Variants in SLC25A27 observed in about 807,000 individuals in gnomAD.
SLC25A27 encodes the protein solute carrier family 25 member 27.
SLC25A27 carries 35 observed loss-of-function variants against 49.1 expected under a neutral mutation model. The observed-to-expected ratio is 0.71, with a 90% CI of 0.54 to 0.95. The LOEUF is 0.95. Among genes scored for constraint, SLC25A27 ranks in the 40% least tolerant of loss-of-function variants. SLC25A27 has a pLI of 0.00. For synonymous variants in SLC25A27, 144 were observed against 136.9 expected (o/e 1.05, Z -0.36); for missense variants, 339 against 397.1 (o/e 0.85, Z 1.24).
Position 46,652,985 on chromosome 6 carries a change from A to G in SLC25A27, c.-208A>G, listed in dbSNP as rs1404045226. ...CTCCTGGGCTCCGCTGTGTTTTTCT[A>G]TTCTGGGGTGTAAGGGGCAGCTGGA... On this transcript the variant is annotated 5_prime_UTR_variant, in exon 1 of 9. Transcript: ENST00000371347. The G allele has an allele frequency of 2.0e-5, 12 of 588,736 alleles. No individual in the cohort carries two copies. Among genetic ancestry groups the G allele is most frequent in the Non-Finnish European group, 3.3e-5 (11 of 332,098 alleles). The allele number at this position is 588,736 out of a possible 1,614,324, so 36.5% of individuals were successfully genotyped here.
At chr6:46,656,091 T>C in intron 2 of SLC25A27, 57 bp downstream of exon 2, 1 of 1,434,680 alleles carries the variant, frequency 7.0e-7, no homozygotes, top group East Asian at 2.4e-5. Flanking sequence ...TTGTCTCCTG[T>C]GCTTTTCTGT....
intron 8 of SLC25A27, among the ~76,000 whole-genome samples, chr6:46,674,077 GA>G (rs757017149): frequency 2.0e-5 from 3 of 152,094 alleles, no homozygotes; most frequent in Non-Finnish European, 4.4e-5. Flanking sequence ...GACCATTGCA[GA>G]AACACAAACT....
chr6:46,675,787 C>G (rs2150663797), intron 8 of SLC25A27, among the ~76,000 whole-genome samples: 2 of 152,128 alleles, frequency 1.3e-5, no homozygotes, highest in South Asian at 4.1e-4. Flanking sequence ...GTAGCCATAC[C>G]TTCATTCAAG....
Position 46,662,374 on chromosome 6 carries a change from A to G in SLC25A27, c.384-2A>G. The stretch of plus-strand genomic sequence containing the variant: ...TTAAAAAGAATTTCCTTCTGCAATT[A>G]GGAAATCAGTCATTGGAGGGATGAT... On this transcript the variant is annotated splice_acceptor_variant, in intron 3 of 8. Transcript: ENST00000371347. LOFTEE classifies it high-confidence loss of function. 1 of 1,612,704 alleles carries G rather than the reference A, an allele frequency of 6.2e-7. No individual in the cohort carries two copies.
At chr6:46,671,255 T>A in intron 8 of SLC25A27, 27 bp downstream of exon 8, 1 of 1,329,274 alleles carries the variant, frequency 7.5e-7, no homozygotes, top group East Asian at 2.6e-5. Context: ...TTCCTTTGTT[T>A]TTTTTCTTTG....
At chr6:46,666,032 T>TTCCACTG (rs1358298758) in intron 5 of SLC25A27, among the ~76,000 whole-genome samples, 120 of 152,342 alleles carry the variant, frequency 7.9e-4, no homozygotes, top group African/African-American at 2.7e-3. Context: ...AGTGGTGCAG[T>TTCCACTG]AATGAGCTGA....
At chr6:46,668,254 C>G (rs1763387489) in intron 5 of SLC25A27, among the ~76,000 whole-genome samples, 1 of 152,170 alleles carries the variant, frequency 6.6e-6, no homozygotes, top group African/African-American at 2.4e-5. Context: ...ACAAGAATCA[C>G]TTGAGCCCAG....
At position 46,676,538 on chromosome 6, in the gene SLC25A27, C is replaced by G; in HGVS notation, c.*84C>G. The G allele has an allele frequency of 3.1e-6, 5 of 1,608,660 alleles. No homozygotes were observed. The highest frequency in any genetic ancestry group is 2.7e-5 in the African/African-American group (2 of 74,806). On this transcript the variant is annotated 3_prime_UTR_variant, in exon 9 of 9. Transcript: ENST00000371347. ...CTGCAACACATACCCCCTATTATTT[C>G]TACCTCTTTAGGAAGACACCTATTC...
intron 1 of SLC25A27, chr6:46,653,961 A>T: frequency 1.4e-6 from 1 of 705,216 alleles, no homozygotes; most frequent in Non-Finnish European, 1.7e-6. Context: ...TGCTGGGGAG[A>T]CAGAGAAAGA....
chr6:46,667,936 C>T (rs1763374455), intron 5 of SLC25A27, among the ~76,000 whole-genome samples: 1 of 152,196 alleles, frequency 6.6e-6, no homozygotes, highest in East Asian at 1.9e-4. Context: ...CCATTCTTGC[C>T]TCATTACAAC....
intron 3 of SLC25A27, among the ~76,000 whole-genome samples, chr6:46,660,230 C>CTGTGTGTGTGTGTGTGTGTGTGTGTG (rs140354056): frequency 3.3e-4 from 49 of 147,412 alleles, no homozygotes; most frequent in African/African-American, 6.1e-4. Flanking sequence ...ACCTCTGTGT[C>CTGTGTGTGTGTGTGTGTGTGTGTGTG]TGTGTGTGTG....
At chr6:46,654,916 T>G (rs551366487) in intron 1 of SLC25A27, among the ~76,000 whole-genome samples, 2 of 152,338 alleles carry the variant, frequency 1.3e-5, no homozygotes, top group East Asian at 3.9e-4. Flanking sequence ...AAAAGTCTTA[T>G]ATAATGTAAG....
chr6:46,659,041 C>T lies in SLC25A27; in HGVS notation c.378C>T (p.Pro126=). Residue 126 remains proline (P), a synonymous_variant, in exon 3 of 9, where the codon CCC becomes CCT. Transcript: ENST00000371347. Reference sequence around the variant, plus strand: ...GCAAAAGTGAAGATGAGCATTATCCCCTTTGGTAAGTTTTGTTTGGAAAAT... The same window carrying T: ...GCAAAAGTGAAGATGAGCATTATCCTCTTTGGTAAGTTTTGTTTGGAAAAT... ...VFGKSEDEHY[P]LWKSVIGGMM... is the part of the protein sequence containing the mutation. 2 of 1,606,262 alleles carry T rather than the reference C, an allele frequency of 1.2e-6. No individual in the cohort carries two copies. Among genetic ancestry groups the T allele is most frequent in the Non-Finnish European group, 1.7e-6 (2 of 1,174,936 alleles).
chr6:46,656,810 G>A (rs553044067), intron 2 of SLC25A27, among the ~76,000 whole-genome samples: 52 of 152,294 alleles, frequency 3.4e-4, no homozygotes, highest in Non-Finnish European at 5.1e-4. Context: ...GCATACTCAC[G>A]TATTTAGGGA....
intron 4 of SLC25A27, among the ~76,000 whole-genome samples, chr6:46,663,557 T>A (rs1351864932): frequency 1.3e-5 from 2 of 152,224 alleles, no homozygotes; most frequent in African/African-American, 4.8e-5. Flanking sequence ...GAAGTCACAC[T>A]GCCTTGTTGG....
chr6:46,660,987 T>C (rs531515179), intron 3 of SLC25A27, among the ~76,000 whole-genome samples: 1 of 152,324 alleles, frequency 6.6e-6, no homozygotes, highest in African/African-American at 2.4e-5. Context: ...ATTCAGTCAG[T>C]AGGTATTTAT....
Position 46,677,376 on chromosome 6 carries a change from C to A in SLC25A27, c.*922C>A, listed in dbSNP as rs1400415418. 2 of 152,108 alleles carry A rather than the reference C, an allele frequency of 1.3e-5. No individual in the cohort carries two copies. The highest frequency in any genetic ancestry group is 2.4e-5 in the African/African-American group (1 of 41,416). 9.4% of individuals were successfully genotyped at this position (152,108 alleles called of 1,614,324 possible). On this transcript the variant is annotated 3_prime_UTR_variant, in exon 9 of 9. Coordinates refer to ENST00000371347, the MANE Select transcript of SLC25A27 (RefSeq NM_004277.5). ...TTTCATTGGTATTTTAAAAGCAAGG[C>A]AGATAGATATGAAGTCAGCCAACTC...
chr6:46,671,462 A>G (rs932233521), intron 8 of SLC25A27, among the ~76,000 whole-genome samples: 1 of 152,148 alleles, frequency 6.6e-6, no homozygotes, highest in Non-Finnish European at 1.5e-5. Flanking sequence ...ATAAGTTGAT[A>G]GTCTTGTTAT....
chr6:46,655,279 G>C (rs1404337094), intron 1 of SLC25A27, among the ~76,000 whole-genome samples: 1 of 152,092 alleles, frequency 6.6e-6, no homozygotes, highest in East Asian at 1.9e-4. Flanking sequence ...ATCTGCATGT[G>C]AACATCACCC....
Sources: allele counts gnomAD v4.1 joint callset (sites outside exome capture counted in the v4.1 genomes callset), GRCh38; gene constraint gnomAD v4.1.1; transcripts MANE v1.5; gene names NCBI Gene and HGNC (gene_info 2026-07-23, HGNC 2026-07-21).